Variants in STEAP2 observed in about 807,000 individuals in gnomAD.
STEAP2 encodes metalloreductase STEAP2.
A neutral mutation model predicts 46.4 loss-of-function variants in STEAP2; 30 were observed. The observed-to-expected ratio is 0.65, with a 90% confidence interval of 0.48 to 0.88. The LOEUF (loss-of-function observed/expected upper bound fraction) is 0.88, where lower values mean the gene tolerates loss of function less well. Among genes scored for constraint, STEAP2 ranks in the 40% least tolerant of loss-of-function variants. The probability of loss-of-function intolerance (pLI) is 0.00; values close to 1 mark genes in which losing one functional copy is unlikely to be tolerated. For synonymous variants in STEAP2, 180 were observed against 200.5 expected (o/e 0.90, Z 0.86); for missense variants, 513 against 579.3 (o/e 0.89, Z 1.18).
At chr7:90,225,982 T>C (rs1795473137) in intron 3 of STEAP2, among the ~76,000 whole-genome samples, 1 of 152,204 alleles carries the variant, frequency 6.6e-6, no homozygotes, top group Admixed American at 6.5e-5. Flanking sequence ...CCTTAGAAAA[T>C]AAGTTTCAGT....
At chr7:90,227,566 A>G in intron 4 of STEAP2, 68 bp downstream of exon 4, 4 of 1,368,114 alleles carry the variant, frequency 2.9e-6, no homozygotes, top group East Asian at 2.6e-5. Context: ...ATTGTAAAAC[A>G]TAAAATTTTA....
intron 5 of STEAP2, 87 bp from the exon 6 acceptor site, chr7:90,232,250 A>T (rs1795783921): frequency 2.2e-6 from 3 of 1,368,432 alleles, no homozygotes; most frequent in Non-Finnish European, 2.8e-6. Context: ...CAAAATATAA[A>T]CATGGTGTAT....
chr7:90,220,021 C>T (rs1795187133), intron 2 of STEAP2, among the ~76,000 whole-genome samples: 1 of 152,214 alleles, frequency 6.6e-6, no homozygotes, highest in Admixed American at 6.5e-5. Flanking sequence ...GCCATCATGT[C>T]TGGCCCTTGG....
At chr7:90,221,351 G>C (rs943444773) in intron 2 of STEAP2, among the ~76,000 whole-genome samples, 2 of 151,954 alleles carry the variant, frequency 1.3e-5, no homozygotes, top group African/African-American at 4.8e-5. Context: ...CCTCTTGCTA[G>C]AATTTATCTA....
At chr7:90,219,701 GT>G (rs112404442) in intron 2 of STEAP2, among the ~76,000 whole-genome samples, 5 of 151,964 alleles carry the variant, frequency 3.3e-5, no homozygotes, top group African/African-American at 1.2e-4. Context: ...GTTAGATTTG[GT>G]TTGCTTCTAC....
rs777790170 is a variant in STEAP2, at chr7:90,227,200, G to T, written c.722G>T (p.Arg241Ile). ...FVRDVIHPYARNQQSDFYKIP... is the reference protein window; with the variant it reads ...FVRDVIHPYAINQQSDFYKIP... ...AGAGATGTGATTCATCCATATGCTA[G>T]AAACCAACAGAGTGACTTTTACAAA... Residue 241 changes from arginine (R) to isoleucine (I), a missense_variant, in exon 4 of 6, where the codon AGA becomes ATA. Physicochemically the swap from Arg to Ile is moderately conservative, Grantham distance 97. Coordinates refer to ENST00000394621, the MANE Select transcript of STEAP2 (RefSeq NM_001244944.2). 1.2e-6 allele frequency: 2 copies of T among 1,613,582 alleles called. No homozygotes were observed. Among genetic ancestry groups the T allele is most frequent in the African/African-American group, 2.7e-5 (2 of 74,852 alleles).
chr7:90,232,792 A>G lies in STEAP2; in HGVS notation c.*168A>G, dbSNP rs911473375. On this transcript the variant is annotated 3_prime_UTR_variant, in exon 6 of 6. Transcript: ENST00000394621. ...GTTTTCTTCAAGTTAATTTTCACAA[A>G]TGTCATGTTTGCCAATATGAATTTT... The G allele has an allele frequency of 6.8e-6, 9 of 1,317,404 alleles. No individual in the cohort carries two copies. The highest frequency in any genetic ancestry group is 2.4e-5 in the South Asian group (1 of 41,994). 81.6% of individuals were successfully genotyped at this position (1,317,404 alleles called of 1,614,324 possible).
chr7:90,226,721 C>A (rs1795501814), intron 3 of STEAP2, among the ~76,000 whole-genome samples: 1 of 152,124 alleles, frequency 6.6e-6, no homozygotes, highest in Admixed American at 6.6e-5. Context: ...ATTTTTCTAG[C>A]CCTGAATGAG....
chr7:90,220,242 G>A (rs146083024), intron 2 of STEAP2, among the ~76,000 whole-genome samples: 180 of 152,248 alleles, frequency 1.2e-3, no homozygotes, highest in Non-Finnish European at 1.9e-3. Context: ...GGTAGAATTC[G>A]GCAGTGAAGC....
intron 2 of STEAP2, among the ~76,000 whole-genome samples, chr7:90,223,340 C>T (rs1795335874): frequency 6.6e-6 from 1 of 152,200 alleles, no homozygotes; most frequent in Non-Finnish European, 1.5e-5. Context: ...AACTATTTCT[C>T]TCTCTGGGCA....
Position 90,233,157 on chromosome 7 carries a change from T to A in STEAP2, c.*533T>A. 1 of 983,678 alleles carries A rather than the reference T, an allele frequency of 1.0e-6. No homozygotes were observed. The highest frequency in any genetic ancestry group is 1.2e-6 in the Non-Finnish European group (1 of 828,526). 60.9% of individuals were successfully genotyped at this position (983,678 alleles called of 1,614,324 possible). The stretch of plus-strand genomic sequence containing the variant: ...CTCTCATAAAATAGGATTTGAAGGA[T>A]GAAATTAATTGTATGAAGCAATGTG... On this transcript the variant is annotated 3_prime_UTR_variant, in exon 6 of 6. Coordinates refer to ENST00000394621, the MANE Select transcript of STEAP2 (RefSeq NM_001244944.2).
chr7:90,218,162 AT>A (rs1224646100), intron 2 of STEAP2, among the ~76,000 whole-genome samples: 1 of 152,128 alleles, frequency 6.6e-6, no homozygotes, highest in Non-Finnish European at 1.5e-5. Flanking sequence ...TATTCTGAAT[AT>A]TAGTCCCTTA....
Position 90,233,970 on chromosome 7 carries a change from C to G in STEAP2, c.*1346C>G. The G allele has an allele frequency of 1.0e-6, 1 of 985,354 alleles. No individual in the cohort carries two copies. 61.0% of individuals were successfully genotyped at this position (985,354 alleles called of 1,614,324 possible). ...TGCTTGGAACATGAGCCTGGAGACC[C>G]ATGGCAGTCCATATGCCTCCCTATG... On this transcript the variant is annotated 3_prime_UTR_variant, in exon 6 of 6. Coordinates refer to ENST00000394621, the MANE Select transcript of STEAP2 (RefSeq NM_001244944.2).
rs746544877 is a variant in STEAP2 at position 90,234,848 on chromosome 7, G to A, written c.*2224G>A. The A allele has an allele frequency of 1.3e-5, 13 of 984,596 alleles. No homozygotes were observed. The highest frequency in any genetic ancestry group is 4.7e-5 in the South Asian group (1 of 21,252). 61.0% of individuals were successfully genotyped at this position (984,596 alleles called of 1,614,324 possible). On this transcript the variant is annotated 3_prime_UTR_variant, in exon 6 of 6. Coordinates refer to ENST00000394621, the MANE Select transcript of STEAP2 (RefSeq NM_001244944.2). The stretch of plus-strand genomic sequence containing the variant: ...ATTACAGGTGTGAGCTACCGCGCCC[G>A]GCCTATTATCTTGTACTTTCTAACT...
At position 90,236,674 on chromosome 7, in the gene STEAP2, T is replaced by C; in HGVS notation, c.*4050T>C. ...TTAATTTTCAGAGATTCTTTCCATA[T>C]GTTACTAAAAAATGTTTTGTTCAGC... is the stretch of plus-strand genomic sequence containing the variant. On this transcript the variant is annotated 3_prime_UTR_variant, in exon 6 of 6. Coordinates refer to ENST00000394621, the MANE Select transcript of STEAP2 (RefSeq NM_001244944.2). 1 of 1,304,488 alleles carries C rather than the reference T, an allele frequency of 7.7e-7. No individual in the cohort carries two copies. Among genetic ancestry groups the C allele is most frequent in the African/African-American group, 1.5e-5 (1 of 65,666 alleles). 80.8% of individuals were successfully genotyped at this position (1,304,488 alleles called of 1,614,324 possible). A position where few individuals can be genotyped will look rare whatever the true frequency, so the allele number is the denominator to read the frequency against.
intron 3 of STEAP2, 42 bp from the exon 4 acceptor site, chr7:90,226,929 A>G: frequency 1.3e-6 from 2 of 1,518,446 alleles, no homozygotes; most frequent in Non-Finnish European, 1.8e-6. Flanking sequence ...CCATTTTTAT[A>G]AACAACAATG....
chr7:90,232,872 G>A lies in STEAP2; in HGVS notation c.*248G>A, dbSNP rs2116372419. The A allele has an allele frequency of 1.8e-6, 2 of 1,122,418 alleles. No homozygotes were observed. The highest frequency in any genetic ancestry group is 4.7e-5 in the East Asian group (1 of 21,230). 69.5% of individuals were successfully genotyped at this position (1,122,418 alleles called of 1,614,324 possible). On this transcript the variant is annotated 3_prime_UTR_variant, in exon 6 of 6. Coordinates refer to ENST00000394621, the MANE Select transcript of STEAP2 (RefSeq NM_001244944.2). ...ATGTTTTGTTTTGTTTTGCACAACT[G>A]TAACCCTGTTGTTACTTTATATTTC...
intron 1 of STEAP2, among the ~76,000 whole-genome samples, chr7:90,213,320 T>C (rs1038361443): frequency 1.3e-5 from 2 of 152,176 alleles, no homozygotes; most frequent in African/African-American, 4.8e-5. Context: ...ATTTTAGTAC[T>C]GAAAAAACAG....
downstream of STEAP2, among the ~76,000 whole-genome samples, chr7:90,239,477 A>T (rs1250540693): frequency 2.0e-5 from 3 of 152,258 alleles, no homozygotes; most frequent in Non-Finnish European, 4.4e-5. Context: ...AAGTCAATTT[A>T]GATATAGAAC....
Sources: gnomAD v4.1 joint callset for allele counts (sites outside exome capture counted in the v4.1 genomes callset) on GRCh38, gnomAD v4.1.1 for gene constraint, MANE v1.5 for transcripts, NCBI Gene and HGNC (gene_info 2026-07-23, HGNC 2026-07-21) for gene names.